The following ATP8A2 variants were observed in gnomAD, a reference collection of about 807,000 sequenced individuals.
The protein encoded by ATP8A2 is phospholipid-transporting ATPase IB.
ATP8A2 carries 100 observed loss-of-function variants against 165.6 expected under a neutral mutation model. The ratio of observed to expected loss-of-function variants is 0.60; its 90% CI spans 0.51 to 0.71. The LOEUF (loss-of-function observed/expected upper bound fraction) is 0.71. Ranked by LOEUF, ATP8A2 falls within the 30% of genes least tolerant of loss-of-function variation. The pLI, the probability that ATP8A2 is intolerant of heterozygous loss-of-function variation, is 0.00. For missense variants in ATP8A2, 1,227 were observed against 1,479.5 expected (o/e 0.83, Z 2.80); for synonymous variants, 543 against 548.8 (o/e 0.99, Z 0.15).
chr13:25,735,408 CACCACCACGCCTGGCTAATTTTTTA>C (rs1425992191), intron 25 of ATP8A2, among the ~76,000 whole-genome samples: 1 of 151,992 alleles, frequency 6.6e-6, no homozygotes, highest in Non-Finnish European at 1.5e-5. Context: ...CACAGGAGAG[CACCACCACGCCTGGCTAATTTTTTA>C]AACTTTTTGT....
At chr13:25,597,624 G>C (rs1031596687) in intron 24 of ATP8A2, among the ~76,000 whole-genome samples, 5 of 152,172 alleles carry the variant, frequency 3.3e-5, no homozygotes, top group African/African-American at 1.2e-4. Context: ...AGGAAGGCTG[G>C]AAACAGGTAC....
Position 25,469,104 on chromosome 13 carries a change from C to T in ATP8A2, c.204C>T (p.Phe68=). The T allele has an allele frequency of 6.2e-7, 1 of 1,614,024 alleles. No homozygotes were observed. The highest frequency in any genetic ancestry group is 8.5e-7 in the Non-Finnish European group (1 of 1,179,896). Reference sequence around the variant, plus strand: ...TCAACCAACCGCATCTCAACAAATTCCGCGACAACCAGATCAGGTAGGAGA... The same window carrying T: ...TCAACCAACCGCATCTCAACAAATTTCGCGACAACCAGATCAGGTAGGAGA... ...IYLNQPHLNK[F]RDNQISTAKY... Residue 68 remains phenylalanine, a synonymous_variant, in exon 2 of 37, where the codon TTC becomes TTT. Transcript: ENST00000381655.
chr13:25,822,694 A>C (rs1340250792), intron 27 of ATP8A2, among the ~76,000 whole-genome samples: 1 of 152,170 alleles, frequency 6.6e-6, no homozygotes, highest in Non-Finnish European at 1.5e-5. Flanking sequence ...TGTGTGTACT[A>C]TTCATTTAAT....
At chr13:25,966,685 G>A (rs981814605) in intron 34 of ATP8A2, among the ~76,000 whole-genome samples, 5 of 152,194 alleles carry the variant, frequency 3.3e-5, no homozygotes, top group African/African-American at 1.2e-4. Flanking sequence ...CTGAGAGCAC[G>A]CACAATGCCT....
At chr13:25,479,590 A>G (rs986137872) in intron 2 of ATP8A2, among the ~76,000 whole-genome samples, 1 of 151,894 alleles carries the variant, frequency 6.6e-6, no homozygotes, top group South Asian at 2.1e-4. Flanking sequence ...TCAGCAGATA[A>G]ACAAGTGAAC....
In ATP8A2 at chr13:26,020,475, T is replaced by C. The variant is rs1020932254; in HGVS notation, c.*490T>C. On this transcript the variant is annotated 3_prime_UTR_variant, in exon 37 of 37. Coordinates refer to ENST00000381655, the MANE Select transcript of ATP8A2 (RefSeq NM_016529.6). ...GGTTGCTCTCCTGCTTTGATTCCTG[T>C]TTTGTGTGTAAAATTGGCATAAACT... 1 of 153,398 alleles carries C rather than the reference T, an allele frequency of 6.5e-6. No individual in the cohort carries two copies. The highest frequency in any genetic ancestry group is 2.4e-5 in the African/African-American group (1 of 41,470). 9.5% of individuals were successfully genotyped at this position (153,398 alleles called of 1,614,324 possible). A position where few individuals can be genotyped will look rare whatever the true frequency, so the allele number is the denominator to read the frequency against.
chr13:25,839,474 C>A, intron 29 of ATP8A2, 72 bp from the exon 30 acceptor site: 2 of 1,011,788 alleles, frequency 2.0e-6, no homozygotes, highest in South Asian at 1.3e-5. Context: ...CACAATGTGG[C>A]GTTTGTTGAG....
intron 1 of ATP8A2, among the ~76,000 whole-genome samples, chr13:25,428,713 G>T (rs1239249685): frequency 2.6e-5 from 4 of 152,176 alleles, no homozygotes; most frequent in Non-Finnish European, 5.9e-5. Context: ...GCTCAAACAC[G>T]TCAGCCTTAC....
chr13:25,454,651 C>T (rs554731072), intron 1 of ATP8A2, among the ~76,000 whole-genome samples: 33 of 152,200 alleles, frequency 2.2e-4, no homozygotes, highest in Middle Eastern at 3.4e-3. Context: ...TGGCCGGGCG[C>T]GGTGGCTCAC....
At chr13:25,896,142 TC>T (rs1345949734) in intron 33 of ATP8A2, among the ~76,000 whole-genome samples, 4 of 152,252 alleles carry the variant, frequency 2.6e-5, no homozygotes, top group Non-Finnish European at 5.9e-5. Flanking sequence ...CAATTTTAGA[TC>T]TTTCCTGCTT....
chr13:25,721,470 G>A (rs1001728386), intron 25 of ATP8A2, among the ~76,000 whole-genome samples: 1 of 152,140 alleles, frequency 6.6e-6, no homozygotes, highest in Non-Finnish European at 1.5e-5. Context: ...TTTTCTTCCA[G>A]CAGTTTCACA....
chr13:25,372,370 C>A lies in ATP8A2; in HGVS notation c.76+82C>A. ...GCGCGCCTGCGGTTATGCGACACTG[C>A]CCCGCCCGCGCCCCGCTCCCCTCCC... On this transcript the variant is annotated intron_variant, in intron 1 of 36. Coordinates refer to ENST00000381655, the MANE Select transcript of ATP8A2 (RefSeq NM_016529.6). The surrounding 1 kb of genome is among the most constrained non-coding windows in gnomAD (Gnocchi z 4.8). The A allele has an allele frequency of 2.0e-6, 2 of 1,015,498 alleles. No homozygotes were observed. Among genetic ancestry groups the A allele is most frequent in the South Asian group, 2.4e-5 (1 of 41,554 alleles). 62.9% of individuals were successfully genotyped at this position (1,015,498 alleles called of 1,614,324 possible).
At chr13:25,981,611 A>G (rs1190145674) in intron 35 of ATP8A2, among the ~76,000 whole-genome samples, 1 of 152,178 alleles carries the variant, frequency 6.6e-6, no homozygotes, top group East Asian at 1.9e-4. Flanking sequence ...TTTTATATGT[A>G]TTATATGAAA....
At chr13:25,397,801 A>G (rs2033480415) in intron 1 of ATP8A2, among the ~76,000 whole-genome samples, 1 of 152,200 alleles carries the variant, frequency 6.6e-6, no homozygotes, top group African/African-American at 2.4e-5. Flanking sequence ...ACCAATACAT[A>G]TAAGGTGTAC....
rs141425274 is a variant in ATP8A2 at position 25,724,832 on chromosome 13, T to C, written c.2384+25487T>C. On this transcript the variant is annotated intron_variant, in intron 25 of 36. Transcript: ENST00000381655. ...TGGGCCCACAAAGGGTGTAGACAAT[T>C]GAGTGAGAACAATCAGTATAAAGTC... Among the ~76,000 whole-genome samples the C allele has an allele frequency of 8.6e-3, 1,311 of 152,282 alleles. 18 individuals are homozygous for C. Among genetic ancestry groups the C allele is most frequent in the African/African-American group, 0.03 (1,236 of 41,548 alleles).
At chr13:25,539,696 G>T (rs940609643) in intron 7 of ATP8A2, among the ~76,000 whole-genome samples, 1 of 152,192 alleles carries the variant, frequency 6.6e-6, no homozygotes, top group Non-Finnish European at 1.5e-5. Context: ...GAGTCAAGGG[G>T]TGGTTAATCA....
chr13:25,702,079 T>G (rs1391742597), intron 25 of ATP8A2, among the ~76,000 whole-genome samples: 1 of 152,194 alleles, frequency 6.6e-6, no homozygotes, highest in African/African-American at 2.4e-5. Context: ...TCATTGAAAA[T>G]TTAAACTTAA....
intron 2 of ATP8A2, among the ~76,000 whole-genome samples, chr13:25,489,097 C>T (rs570642915): frequency 6.6e-6 from 1 of 152,214 alleles, no homozygotes; most frequent in Non-Finnish European, 1.5e-5. Flanking sequence ...CCACCTGTGA[C>T]AGAGTTTCCC....
chr13:25,420,101 C>T (rs1323635385), intron 1 of ATP8A2, among the ~76,000 whole-genome samples: 1 of 152,198 alleles, frequency 6.6e-6, no homozygotes, highest in Non-Finnish European at 1.5e-5. Flanking sequence ...GTCACAGACT[C>T]AGCGTTCAGA....
Sources: gnomAD v4.1 joint callset for allele counts (sites outside exome capture counted in the v4.1 genomes callset) on GRCh38, gnomAD v4.1.1 for gene constraint, Gnocchi (gnomAD v3.1) non-coding constraint, MANE v1.5 for transcripts, NCBI Gene and HGNC (gene_info 2026-07-23, HGNC 2026-07-21) for gene names.